DMD: variants seen among roughly 807,000 people sequenced by gnomAD.
DMD encodes the protein mutant dystrophin.
Under a neutral mutation model 330.1 loss-of-function variants are expected in DMD, and 63 were observed. The ratio of observed to expected loss-of-function variants is 0.19; its 90% confidence interval spans 0.16 to 0.24. DMD has a LOEUF of 0.24. Among genes scored for constraint, DMD ranks in the 10% least tolerant of loss-of-function variants. The probability of loss-of-function intolerance (pLI) is 1.00; values close to 1 mark genes in which losing one functional copy is unlikely to be tolerated. For missense variants in DMD, 3,344 were observed against 2,684.1 expected (o/e 1.25, Z -5.43); for synonymous variants, 1,223 against 959.8 (o/e 1.27, Z -5.07).
At chrX:32,771,240 T>G (rs2073564701) in intron 7 of DMD, among the ~76,000 whole-genome samples, 1 of 111,947 alleles carries the variant, frequency 8.9e-6, no homozygotes, top group African/African-American at 3.2e-5. Context: ...CTAAACATTT[T>G]TTGGAAGGAT....
intron 13 of DMD, among the ~76,000 whole-genome samples, chrX:32,591,103 C>G (rs1453525062): frequency 1.8e-5 from 2 of 109,276 alleles, no homozygotes; most frequent in Non-Finnish European, 3.8e-5. Context: ...AAGCAATATT[C>G]TCTCCCCAGC....
chrX:31,594,838 A>C (rs892686120), intron 55 of DMD, among the ~76,000 whole-genome samples: 1 of 111,063 alleles, frequency 9.0e-6, no homozygotes, highest in Non-Finnish European at 1.9e-5. Context: ...GGGAAGTTTC[A>C]CCTTTCCTGA....
At position 31,967,299 on chromosome X, in the gene DMD, T is replaced by G. The variant is rs1339434349; in HGVS notation, c.6614+1040A>C. 7.2e-3 allele frequency among the ~76,000 whole-genome samples: 63 copies of G among 8,703 alleles called. 1 individual carries two copies. The South Asian group carries it at 0.14, about 19-fold the overall frequency. The allele number at this position is 8,703 out of a possible 115,157, so 7.6% of individuals were successfully genotyped here. On this transcript the variant is annotated intron_variant, in intron 45 of 78. Coordinates refer to ENST00000357033, the MANE Select transcript of DMD (RefSeq NM_004006.3). ...ATAATTCTTTAACTTTGGCAAGGGGTGTGTGTGTGTGTGTGTGTGTGTGTG... is the reference window on the plus strand; with the variant it reads ...ATAATTCTTTAACTTTGGCAAGGGGGGTGTGTGTGTGTGTGTGTGTGTGTG...
chrX:32,729,020 C>G (rs1312635559), intron 7 of DMD, among the ~76,000 whole-genome samples: 5 of 111,989 alleles, frequency 4.5e-5, no homozygotes, highest in Non-Finnish European at 9.4e-5. Flanking sequence ...TCAGCAGATA[C>G]TTTTTTCACA....
chrX:31,669,318 G>A (rs775386133), intron 53 of DMD, among the ~76,000 whole-genome samples: 11 of 111,817 alleles, frequency 9.8e-5, no homozygotes, highest in Non-Finnish European at 1.3e-4. Flanking sequence ...CAGGTGTAAG[G>A]TGACATCTCA....
chrX:31,196,980 A>G (rs1255041255), intron 67 of DMD, among the ~76,000 whole-genome samples: 2 of 111,129 alleles, frequency 1.8e-5, no homozygotes, highest in Non-Finnish European at 3.8e-5. Context: ...CAATCCACAG[A>G]TGATGTTTTG....
At chrX:33,098,254 T>C (rs1306048479) in intron 1 of DMD, among the ~76,000 whole-genome samples, 2 of 111,666 alleles carry the variant, frequency 1.8e-5, no homozygotes, top group East Asian at 5.7e-4. Flanking sequence ...TTTTTAAATA[T>C]CACAAAACTG....
chrX:31,212,162 ATATATG>A (rs1483946810), intron 64 of DMD, among the ~76,000 whole-genome samples: 1 of 85,508 alleles, frequency 1.2e-5, no homozygotes, highest in Non-Finnish European at 2.3e-5. Flanking sequence ...ATATATATAT[ATATATG>A]TGTGTGTGTA....
intron 2 of DMD, among the ~76,000 whole-genome samples, chrX:32,925,338 G>A (rs542434865): frequency 9.1e-6 from 1 of 109,439 alleles, no homozygotes; most frequent in East Asian, 2.8e-4. Context: ...ATTGTATTCC[G>A]GAAGACTTCT....
rs1478001296 is a variant in DMD, at chrX:33,127,611, G to GTA, written c.31+83669_31+83670dup. ...TAAAAATGTGAGTGTATATGTGTAT[G>GTA]TATATATATACACATACACATATTC... is the stretch of plus-strand genomic sequence containing the variant. On this transcript the variant is annotated intron_variant, in intron 1 of 78. Coordinates refer to ENST00000357033, the MANE Select transcript of DMD (RefSeq NM_004006.3). Among the ~76,000 whole-genome samples, 20 of 110,090 alleles carry GTA rather than the reference G, an allele frequency of 1.8e-4. No individual in the cohort carries two copies. In the Admixed American group the frequency reaches 1.9e-3, roughly 10 times the overall value.
In DMD at chrX:31,456,876, G is replaced by GTA. The variant is rs1179873372; in HGVS notation, c.8938-12251_8938-12250dup. Among the ~76,000 whole-genome samples the GTA allele has an allele frequency of 3.4e-3, 231 of 68,710 alleles. 2 individuals carry two copies. Among genetic ancestry groups the GTA allele is most frequent in the African/African-American group, 9.6e-3 (183 of 19,119 alleles). 59.7% of individuals were successfully genotyped at this position (68,710 alleles called of 115,157 possible). A position where few individuals can be genotyped will look rare whatever the true frequency, so the allele number is the denominator to read the frequency against. ...TGTGTGTGTGTGTGTGTGTGTGTGT[G>GTA]TATATATATATATATTATATACCTA... On this transcript the variant is annotated intron_variant, in intron 59 of 78. Transcript: ENST00000357033.
At chrX:32,999,881 C>T (rs1267648711) in intron 2 of DMD, among the ~76,000 whole-genome samples, 1 of 112,638 alleles carries the variant, frequency 8.9e-6, no homozygotes, top group Non-Finnish European at 1.9e-5. Flanking sequence ...GACTTGAGCA[C>T]AGATCCATTG....
rs567198350 is a variant in DMD, at chrX:32,766,279, T to G, written c.649+43214A>C. On this transcript the variant is annotated intron_variant, in intron 7 of 78. Transcript: ENST00000357033. Reference sequence around the variant, plus strand: ...ATGGCACTGAATGTGTAGTTTGTTTTGAGTAACTCGGATACCTCAACAACA... The same window carrying G: ...ATGGCACTGAATGTGTAGTTTGTTTGGAGTAACTCGGATACCTCAACAACA... 4.1e-4 allele frequency among the ~76,000 whole-genome samples: 46 copies of G among 111,675 alleles called. No homozygotes were observed. In the South Asian group the frequency reaches 6.7e-3, roughly 16 times the overall value.
At chrX:33,133,659 G>A (rs73455858) in intron 1 of DMD, among the ~76,000 whole-genome samples, 4,651 of 111,480 alleles carry the variant, frequency 0.042, 221 homozygotes, top group African/African-American at 0.14. Context: ...TATTCAAACC[G>A]TGCTATGATT....
chrX:33,116,672 G>GA (rs1307766258), intron 1 of DMD, among the ~76,000 whole-genome samples: 1 of 111,606 alleles, frequency 9.0e-6, no homozygotes, highest in East Asian at 2.8e-4. Context: ...AAAGTTCATA[G>GA]AAAAAAGAGG....
intron 7 of DMD, among the ~76,000 whole-genome samples, chrX:32,700,037 C>T (rs1337509216): frequency 9.0e-6 from 1 of 111,470 alleles, no homozygotes; most frequent in African/African-American, 3.3e-5. Flanking sequence ...GTCAATAATA[C>T]TTTGTAATAA....
intron 20 of DMD, among the ~76,000 whole-genome samples, chrX:32,486,176 T>C (rs772620357): frequency 9.0e-6 from 1 of 111,408 alleles, no homozygotes; most frequent in Non-Finnish European, 1.9e-5. Context: ...TGCTGTACTG[T>C]CACTAGCTCA....
At chrX:33,314,559 GTTT>G (rs764129742) in intron 1 of DMD, among the ~76,000 whole-genome samples, 5 of 57,477 alleles carry the variant, frequency 8.7e-5, no homozygotes, top group African/African-American at 2.7e-4. Context: ...TGCCCAGCCT[GTTT>G]TTTTTTTGTT....
chrX:31,721,918 T>G (rs1340730980), intron 52 of DMD, among the ~76,000 whole-genome samples: 4 of 107,623 alleles, frequency 3.7e-5, no homozygotes, highest in South Asian at 4.0e-4. Context: ...CACAATATAT[T>G]TCTAATGACA....
Sources: allele counts gnomAD v4.1 joint callset (sites outside exome capture counted in the v4.1 genomes callset), GRCh38; gene constraint gnomAD v4.1.1; transcripts MANE v1.5; gene names NCBI Gene and HGNC (gene_info 2026-07-23, HGNC 2026-07-21).